The following ENPEP variants were observed in gnomAD, a reference collection of about 807,000 sequenced individuals.
ENPEP encodes glutamyl aminopeptidase, also known as AP-A.
ENPEP carries 103 observed loss-of-function variants against 114.5 expected under a neutral mutation model. That is an observed-to-expected ratio of 0.90 (90% CI 0.77 to 1.06). The LOEUF is 1.06. Ranked by LOEUF, ENPEP falls within the 50% of genes least tolerant of loss-of-function variation. The probability of loss-of-function intolerance (pLI) is 0.00; values close to 1 mark genes in which losing one functional copy is unlikely to be tolerated. For missense variants in ENPEP, 1,196 were observed against 1,161.3 expected, an observed-to-expected ratio of 1.03 and a Z score of -0.43; for synonymous variants, 420 against 422.0, an observed-to-expected ratio of 1.00 and a Z score of 0.06.
chr4:110,548,404 GCT>G, intron 14 of ENPEP, 78 bp downstream of exon 14: 1 of 1,261,156 alleles, frequency 7.9e-7, no homozygotes, highest in South Asian at 2.3e-5. Context: ...GAGAGAAGGA[GCT>G]CTTGGGGACC....
At chr4:110,477,870 T>C (rs2039780936) in intron 1 of ENPEP, among the ~76,000 whole-genome samples, 1 of 152,206 alleles carries the variant, frequency 6.6e-6, no homozygotes, top group African/African-American at 2.4e-5. Flanking sequence ...CCTATTTGTC[T>C]AGCCTTTGTA....
chr4:110,507,134 CAG>C (rs1725402221), intron 4 of ENPEP, among the ~76,000 whole-genome samples: 1 of 152,172 alleles, frequency 6.6e-6, no homozygotes, highest in Non-Finnish European at 1.5e-5. Flanking sequence ...TCCCTGTCAT[CAG>C]CGAGTTAAAA....
At chr4:110,548,139 G>GTTTTTTTTTTTTTTTTTTT (rs3042468) in intron 13 of ENPEP, 37 bp from the exon 14 acceptor site, 6 of 692,118 alleles carry the variant, frequency 8.7e-6, no homozygotes, top group African/African-American at 4.9e-5. Context: ...TTAACTGTGA[G>GTTTTTTTTTTTTTTTTTTT]TTTTTTTTTT....
At chr4:110,546,576 C>A (rs1727067973) in intron 13 of ENPEP, among the ~76,000 whole-genome samples, 1 of 151,830 alleles carries the variant, frequency 6.6e-6, no homozygotes, top group Non-Finnish European at 1.5e-5. Flanking sequence ...TTTCAAGGAC[C>A]ACTGGCTCCA....
At chr4:110,527,005 G>A (rs938529058) in intron 10 of ENPEP, among the ~76,000 whole-genome samples, 39 of 152,122 alleles carry the variant, frequency 2.6e-4, no homozygotes, top group African/African-American at 8.9e-4. Flanking sequence ...TTATTCAGAA[G>A]AGAAAGATCT....
intron 3 of ENPEP, among the ~76,000 whole-genome samples, chr4:110,501,521 G>A (rs1008176996): frequency 2.0e-5 from 3 of 152,140 alleles, no homozygotes; most frequent in East Asian, 1.9e-4. Context: ...ACTTATAAGT[G>A]AGAAGATGTG....
intron 13 of ENPEP, among the ~76,000 whole-genome samples, chr4:110,544,372 T>C (rs772405468): frequency 6.6e-6 from 1 of 152,092 alleles, no homozygotes; most frequent in South Asian, 2.1e-4. Flanking sequence ...GTAGTGAAGA[T>C]GCGTTTAGAA....
intron 3 of ENPEP, among the ~76,000 whole-genome samples, chr4:110,505,582 G>A (rs990335146): frequency 2.6e-5 from 4 of 152,186 alleles, no homozygotes; most frequent in Non-Finnish European, 5.9e-5. Flanking sequence ...GCAACGCATT[G>A]GGAATAATAA....
intron 11 of ENPEP, among the ~76,000 whole-genome samples, chr4:110,541,995 A>G (rs1013913016): frequency 1.3e-5 from 2 of 152,154 alleles, no homozygotes; most frequent in African/African-American, 4.8e-5. Context: ...AATCTATACA[A>G]TAGAGCCTCA....
chr4:110,477,788 G>A (rs113098400), intron 1 of ENPEP, among the ~76,000 whole-genome samples: 126 of 152,248 alleles, frequency 8.3e-4, no homozygotes, highest in African/African-American at 2.4e-3. Context: ...GATATATTAA[G>A]TAGTTAAATA....
chr4:110,520,351 C>A lies in ENPEP; in HGVS notation c.1712C>A (p.Pro571His), dbSNP rs1328261365. ...LLDPRANPSQ[P>H]PSDLGYTWNI... ...GACCCAAGAGCTAACCCTTCTCAGC[C>A]CCCTTCAGATCTTGGGTAAGGCTCT... Residue 571 changes from proline (P) to histidine (H), a missense_variant, in exon 10 of 20, where the codon CCC becomes CAC. Physicochemically the swap from Pro to His is moderately conservative, Grantham distance 77 (BLOSUM62 -2). Coordinates refer to ENST00000265162, the MANE Select transcript of ENPEP (RefSeq NM_001977.4). The A allele has an allele frequency of 6.2e-7, 1 of 1,613,890 alleles. No individual in the cohort carries two copies. Among genetic ancestry groups the A allele is most frequent in the South Asian group, 1.1e-5 (1 of 91,072 alleles).
chr4:110,527,480 G>A (rs896459058), intron 10 of ENPEP, among the ~76,000 whole-genome samples: 1 of 152,148 alleles, frequency 6.6e-6, no homozygotes, highest in Non-Finnish European at 1.5e-5. Flanking sequence ...CTGCAGGTAA[G>A]TGTACTCCTT....
intron 13 of ENPEP, among the ~76,000 whole-genome samples, chr4:110,547,466 G>T (rs1727110369): frequency 6.6e-6 from 1 of 151,966 alleles, no homozygotes; most frequent in African/African-American, 2.4e-5. Context: ...TTGTACTAGT[G>T]GTTTCTTGAG....
At chr4:110,498,626 G>T (rs1297806428) in intron 3 of ENPEP, among the ~76,000 whole-genome samples, 1 of 152,172 alleles carries the variant, frequency 6.6e-6, no homozygotes, top group Non-Finnish European at 1.5e-5. Context: ...CAATAAGGAT[G>T]TGGATCCAGG....
chr4:110,558,686 T>C (rs10011876), intron 18 of ENPEP, among the ~76,000 whole-genome samples: 152,286 of 152,314 alleles, frequency 1, 76,129 homozygotes, highest in Non-Finnish European at 1. Flanking sequence ...AAGGTTTATA[T>C]ATAATTTTGT....
At chr4:110,479,784 A>G (rs1724243671) in intron 1 of ENPEP, among the ~76,000 whole-genome samples, 2 of 152,200 alleles carry the variant, frequency 1.3e-5, no homozygotes, top group Non-Finnish European at 2.9e-5. Context: ...TGCTTCTTAG[A>G]TCATAAAGAC....
rs753482706 is a variant in ENPEP at position 110,519,975 on chromosome 4, A to G, written c.1510-33A>G. ...GAAAGTATGAGAAAAGCAAACATTG[A>G]CTTCTAACATGCTGATTATTTTTTA... is the stretch of plus-strand genomic sequence containing the variant. On this transcript the variant is annotated intron_variant, in intron 8 of 19. Transcript: ENST00000265162. The G allele has an allele frequency of 7.0e-5, 112 of 1,589,160 alleles. 1 individual carries two copies. The South Asian group carries it at 1.1e-3, about 16-fold the overall frequency.
Position 110,515,405 on chromosome 4 carries a change from A to C in ENPEP, c.1472A>C (p.Asp491Ala). Reference sequence around the variant, plus strand: ...TCTTCTATTTTGAGAATGCTTGAAGACTGGATAAAACCAGAGAATTTTCAA... The same window carrying C: ...TCTTCTATTTTGAGAATGCTTGAAGCCTGGATAAAACCAGAGAATTTTCAA... ...KGSSILRMLE[D>A]WIKPENFQKG... Residue 491 changes from aspartate (D) to alanine (A), a missense_variant, in exon 8 of 20, where the codon GAC becomes GCC. Asp to Ala is a moderately radical substitution (Grantham distance 126). Coordinates refer to ENST00000265162, the MANE Select transcript of ENPEP (RefSeq NM_001977.4). The C allele has an allele frequency of 6.3e-7, 1 of 1,592,954 alleles. No homozygotes were observed. The highest frequency in any genetic ancestry group is 1.2e-5 in the South Asian group (1 of 86,368).
chr4:110,514,155 C>T (rs377592275), intron 7 of ENPEP, among the ~76,000 whole-genome samples: 1 of 152,076 alleles, frequency 6.6e-6, no homozygotes, highest in Admixed American at 6.5e-5. Flanking sequence ...ACATATTCCA[C>T]ATCTGTATGT....
Sources: gnomAD v4.1 joint callset for allele counts (sites outside exome capture counted in the v4.1 genomes callset) on GRCh38, gnomAD v4.1.1 for gene constraint, MANE v1.5 for transcripts, NCBI Gene and HGNC (gene_info 2026-07-23, HGNC 2026-07-21) for gene names.